MYH14: variants seen among roughly 807,000 people sequenced by gnomAD.
MYH14 encodes the protein myosin heavy chain 14, also known as myosin-14.
A neutral mutation model predicts 255.5 loss-of-function variants in MYH14; 123 were observed. The observed-to-expected ratio is 0.48, with a 90% CI of 0.42 to 0.56. MYH14 has a LOEUF of 0.56. Ranked by LOEUF, MYH14 falls within the 20% of genes least tolerant of loss-of-function variation. The pLI is 0.00. For missense variants in MYH14, 2,423 were observed against 2,802.3 expected (o/e 0.86, Z 3.06); for synonymous variants, 1,095 against 1,161.2 (o/e 0.94, Z 1.16).
chr19:50,281,870 G>A (rs2035737529), intron 33 of MYH14, 28 bp downstream of exon 33: 2 of 1,601,416 alleles, frequency 1.2e-6, no homozygotes, highest in African/African-American at 2.7e-5. Flanking sequence ...ACCCAGCCGG[G>A]GAATCAGCAA....
chr19:50,249,187 C>A, intron 13 of MYH14, 48 bp downstream of exon 13: 1 of 1,508,350 alleles, frequency 6.6e-7, no homozygotes. Context: ...CACTCCGGTC[C>A]TGGTCCTTTC....
chr19:50,304,488 G>A (rs2036591692), intron 40 of MYH14, among the ~76,000 whole-genome samples: 1 of 152,156 alleles, frequency 6.6e-6, no homozygotes, highest in South Asian at 2.1e-4. Context: ...TACTCAGGAG[G>A]CTGAGGTAGG....
intron 24 of MYH14, 61 bp downstream of exon 24, chr19:50,268,428 C>A: frequency 6.7e-7 from 1 of 1,493,998 alleles, no homozygotes; most frequent in Non-Finnish European, 9.0e-7. Context: ...CACCATCCAC[C>A]TTTGCTTCTA....
chr19:50,272,409 T>A, intron 26 of MYH14, 151 bp from the exon 27 acceptor site: 1 of 831,934 alleles, frequency 1.2e-6, no homozygotes, highest in Non-Finnish European at 2.0e-6. Context: ...GAAGAGTCCC[T>A]GAGATAGATG....
intron 9 of MYH14, among the ~76,000 whole-genome samples, chr19:50,231,472 G>T (rs2033383024): frequency 6.6e-6 from 1 of 152,160 alleles, no homozygotes; most frequent in Non-Finnish European, 1.5e-5. Flanking sequence ...CTTTGGGAGG[G>T]TGAGGCAGGA....
intron 22 of MYH14, among the ~76,000 whole-genome samples, chr19:50,264,347 A>T (rs552446049): frequency 6.6e-6 from 1 of 152,256 alleles, no homozygotes; most frequent in East Asian, 1.9e-4. Flanking sequence ...TCCAGAGTCA[A>T]ACTGATGCCA....
intron 40 of MYH14, among the ~76,000 whole-genome samples, chr19:50,302,907 G>GA (rs901804721): frequency 8.1e-5 from 12 of 148,214 alleles, no homozygotes; most frequent in South Asian, 4.3e-4. Context: ...GCCTCAAAAA[G>GA]AAAAAAAAAG....
rs45591233 is a variant in MYH14 at position 50,289,427 on chromosome 19, C to T, written c.4753-9C>T. The T allele has an allele frequency of 0.03, 48,255 of 1,600,376 alleles. 797 individuals carry two copies. Among genetic ancestry groups the T allele is most frequent in the Non-Finnish European group, 0.035 (41,641 of 1,174,038 alleles). The stretch of plus-strand genomic sequence containing the variant: ...GACCCAGGTACCCAGCAGCTACTCT[C>T]CCCACCAGGTGCATGAGCTGGAACG... On this transcript the variant is annotated splice_polypyrimidine_tract_variant and intron_variant, in intron 34 of 42. Coordinates refer to ENST00000642316, the MANE Select transcript of MYH14 (RefSeq NM_001145809.2).
chr19:50,233,817 A>ACCCC (rs1385579013), intron 10 of MYH14, among the ~76,000 whole-genome samples: 3 of 111,964 alleles, frequency 2.7e-5, no homozygotes, highest in Non-Finnish European at 3.6e-5. Context: ...CCTCCCCCCG[A>ACCCC]CCCCCCCGCC....
rs754916277 is a variant in MYH14 at position 50,271,960 on chromosome 19, G to A, written c.3283G>A (p.Ala1095Thr). The A allele has an allele frequency of 2.8e-5, 45 of 1,609,426 alleles. 1 individual carries two copies. Among genetic ancestry groups the A allele is most frequent in the African/African-American group, 9.4e-5 (7 of 74,792 alleles). The change falls in exon 26 of 43, where the codon GCA (alanine) becomes ACA (threonine). Residue 1095 changes from alanine to threonine, a missense_variant. Ala to Thr is a moderately conservative substitution (Grantham distance 58). This residue lies in a region of MYH14 where 1,513 missense variants were observed against 1,674.8 expected (regional missense o/e 0.90). Coordinates refer to ENST00000642316, the MANE Select transcript of MYH14 (RefSeq NM_001145809.2). ...KLRLKYEATI[A>T]DMEDRLRKEE... ...ACGGCTCAAATATGAGGCCACAATC[G>A]CAGACATGGAGGGTGAGCTCCCGCC...
chr19:50,207,808 T>G (rs1168103454), intron 1 of MYH14, among the ~76,000 whole-genome samples: 1 of 152,180 alleles, frequency 6.6e-6, no homozygotes, highest in Non-Finnish European at 1.5e-5. Context: ...AAAGCAAGGT[T>G]GTACCTTTTG....
In MYH14 at chr19:50,280,170, G is replaced by A. The variant is rs369484392; in HGVS notation, c.4137+29G>A. ...ACCCTGCCTGCCCTTCGGCTCCACC[G>A]TCACCCTCCCCTCCTTGTCCTCCCA... On this transcript the variant is annotated intron_variant, in intron 31 of 42. Transcript: ENST00000642316. The surrounding 1 kb of genome is among the most constrained non-coding windows in gnomAD (Gnocchi z 4.8). The A allele has an allele frequency of 7.9e-5, 123 of 1,566,588 alleles. No homozygotes were observed. Among genetic ancestry groups the A allele is most frequent in the Admixed American group, 4.6e-4 (24 of 51,968 alleles).
chr19:50,260,737 ATGCGTGTG>A lies in MYH14; in HGVS notation c.2424+33_2424+40del, dbSNP rs760327563. On this transcript the variant is annotated intron_variant, in intron 20 of 42. Transcript: ENST00000642316. The stretch of plus-strand genomic sequence containing the variant: ...GATGGTGAGTGGGGCAGAGCCTGGA[ATGCGTGTG>A]TGCGTGTGTGTGTGTGCGTGCATGA... The A allele has an allele frequency of 6.5e-5, 99 of 1,534,568 alleles. No individual in the cohort carries two copies. The African/African-American group carries it at 1.3e-3, about 20-fold the overall frequency.
intron 24 of MYH14, among the ~76,000 whole-genome samples, chr19:50,268,725 G>A (rs1014942243): frequency 6.6e-6 from 1 of 151,990 alleles, no homozygotes; most frequent in Non-Finnish European, 1.5e-5. Context: ...CTCAGCTTCA[G>A]GCATGGCTGG....
Position 50,266,835 on chromosome 19 carries a change from G to A in MYH14, c.2695-42G>A, listed in dbSNP as rs1555770365. The A allele has an allele frequency of 2.6e-6, 4 of 1,550,912 alleles. No individual in the cohort carries two copies. The highest frequency in any genetic ancestry group is 3.5e-6 in the Non-Finnish European group (4 of 1,146,498). On this transcript the variant is annotated intron_variant, in intron 22 of 42. Transcript: ENST00000642316. The surrounding 1 kb of genome is among the most constrained non-coding windows in gnomAD (Gnocchi z 4.1). ...ACCCCACTAAGAGTGTGAGGTCTTG[G>A]CGCCTGAAGTCAGCCATTCCACCCC...
rs56326221 is a variant in MYH14 at position 50,230,366 on chromosome 19, G to C, written c.875-159G>C. On this transcript the variant is annotated intron_variant, in intron 8 of 42. Transcript: ENST00000642316. The surrounding 1 kb of genome is among the most constrained non-coding windows in gnomAD (Gnocchi z 4.7). ...GTGCTTAAGTGACATGAGCACGGCT[G>C]CTCTTCCAGTTAGTGGCAAAGTCAC... Among the ~76,000 whole-genome samples the C allele has an allele frequency of 0.024, 3,617 of 152,350 alleles. 60 individuals carry two copies. The highest frequency in any genetic ancestry group is 0.039 in the Non-Finnish European group (2,623 of 68,032).
At chr19:50,207,827 C>G (rs1194910221) in intron 1 of MYH14, among the ~76,000 whole-genome samples, 2 of 152,212 alleles carry the variant, frequency 1.3e-5, no homozygotes, top group Non-Finnish European at 2.9e-5. Context: ...TGTCCCCTCT[C>G]TTACATCCCC....
Position 50,273,290 on chromosome 19 carries a change from CAA to C in MYH14, c.3467+584_3467+585del, listed in dbSNP as rs778739770. The stretch of plus-strand genomic sequence containing the variant: ...TGGGCAACAGAGCAAGACTATGTCT[CAA>C]AAAAAAAAAAAAAAAAAAAAAAAAG... On this transcript the variant is annotated intron_variant, in intron 27 of 42. Coordinates refer to ENST00000642316, the MANE Select transcript of MYH14 (RefSeq NM_001145809.2). 6.2e-3 allele frequency among the ~76,000 whole-genome samples: 484 copies of C among 78,590 alleles called. 2 individuals are homozygous for C. The highest frequency in any genetic ancestry group is 0.025 in the African/African-American group (469 of 18,954). 51.6% of individuals were successfully genotyped at this position (78,590 alleles called of 152,430 possible). A position where few individuals can be genotyped will look rare whatever the true frequency, so the allele number is the denominator to read the frequency against.
intron 10 of MYH14, 133 bp downstream of exon 10, chr19:50,232,203 C>G: frequency 1.8e-6 from 2 of 1,137,734 alleles, no homozygotes; most frequent in Non-Finnish European, 2.5e-6. Flanking sequence ...GGGGCCAGAG[C>G]AGGGAATGAG....
Sources: gnomAD v4.1 joint callset for allele counts (sites outside exome capture counted in the v4.1 genomes callset) on GRCh38, gnomAD v4.1.1 for gene constraint, gnomAD v4.1.1 regional missense constraint, Gnocchi (gnomAD v3.1) non-coding constraint, MANE v1.5 for transcripts, NCBI Gene and HGNC (gene_info 2026-07-23, HGNC 2026-07-21) for gene names.